MACROD2: variants seen among roughly 807,000 people sequenced by gnomAD.
MACROD2 encodes the protein mono-ADP ribosylhydrolase 2.
MACROD2 carries 36 observed loss-of-function variants against 70.4 expected under a neutral mutation model. That is an observed-to-expected ratio of 0.51 (90% CI 0.39 to 0.68). The LOEUF is 0.68. Among genes scored for constraint, MACROD2 ranks in the 30% least tolerant of loss-of-function variants. The probability of loss-of-function intolerance (pLI) is 0.00; values close to 1 mark genes in which losing one functional copy is unlikely to be tolerated. For synonymous variants in MACROD2, 172 were observed against 178.8 expected, an observed-to-expected ratio of 0.96 and a Z score of 0.30; for missense variants, 496 against 538.4, an observed-to-expected ratio of 0.92 and a Z score of 0.78.
chr20:14,796,551 G>A (rs889384692), intron 5 of MACROD2, among the ~76,000 whole-genome samples: 7 of 152,036 alleles, frequency 4.6e-5, no homozygotes, highest in African/African-American at 9.7e-5. Context: ...CTTCCTTATC[G>A]GAGGGCAAGC....
At chr20:14,777,783 G>A (rs916066000) in intron 5 of MACROD2, among the ~76,000 whole-genome samples, 2 of 152,104 alleles carry the variant, frequency 1.3e-5, no homozygotes, top group African/African-American at 2.4e-5. Context: ...TAAGGAATGT[G>A]TGAGTTTCCA....
chr20:14,200,202 A>G (rs1299888223), intron 3 of MACROD2, among the ~76,000 whole-genome samples: 1 of 152,210 alleles, frequency 6.6e-6, no homozygotes, highest in Non-Finnish European at 1.5e-5. Flanking sequence ...CAGCCATAAT[A>G]AACAACATGA....
chr20:14,135,645 CAGCTTGGGTGACAG>C (rs1315477592), intron 3 of MACROD2, among the ~76,000 whole-genome samples: 1 of 152,116 alleles, frequency 6.6e-6, no homozygotes, highest in Non-Finnish European at 1.5e-5. Context: ...CACTACACTC[CAGCTTGGGTGACAG>C]AGCAAGACTC....
At chr20:15,027,612 T>C (rs1475337550) in intron 5 of MACROD2, among the ~76,000 whole-genome samples, 1 of 151,502 alleles carries the variant, frequency 6.6e-6, no homozygotes, top group East Asian at 1.9e-4. Context: ...CAGTGGCTCA[T>C]GCCTGTAATC....
At chr20:15,982,886 G>A (rs2066421871) in intron 13 of MACROD2, among the ~76,000 whole-genome samples, 1 of 149,162 alleles carries the variant, frequency 6.7e-6, no homozygotes, top group Non-Finnish European at 1.5e-5. Context: ...GTTGCTACCA[G>A]GGCGCTTGGA....
chr20:14,959,072 T>C (rs2074561396), intron 5 of MACROD2, among the ~76,000 whole-genome samples: 2 of 152,200 alleles, frequency 1.3e-5, no homozygotes, highest in Admixed American at 1.3e-4. Flanking sequence ...GTGAAAAGTA[T>C]ATAAGAATTT....
intron 6 of MACROD2, among the ~76,000 whole-genome samples, chr20:15,265,467 C>G (rs911570466): frequency 6.6e-6 from 1 of 152,194 alleles, no homozygotes; most frequent in African/African-American, 2.4e-5. Context: ...ATGAGCTGCC[C>G]TTTCTTGGCA....
At chr20:15,951,338 CACACACACACACAA>C (rs1415476328) in intron 12 of MACROD2, among the ~76,000 whole-genome samples, 2 of 151,030 alleles carry the variant, frequency 1.3e-5, no homozygotes, top group African/African-American at 2.4e-5. Flanking sequence ...CACACACACA[CACACACACACACAA>C]AGAGAGAGAG....
chr20:15,109,738 G>T lies in MACROD2; in HGVS notation c.419-120202G>T, dbSNP rs182312855. On this transcript the variant is annotated intron_variant, in intron 5 of 17. Coordinates refer to ENST00000684519, the MANE Select transcript of MACROD2 (RefSeq NM_001351661.2). ...ACGTGCACAATCACCTGTTGAATGCGCTCAGGAACTTTGCAGTTGACCTAC... is the reference window on the plus strand; with the variant it reads ...ACGTGCACAATCACCTGTTGAATGCTCTCAGGAACTTTGCAGTTGACCTAC... Among the ~76,000 whole-genome samples the T allele has an allele frequency of 6.6e-5, 10 of 152,232 alleles. No individual in the cohort carries two copies. In the East Asian group the frequency reaches 7.7e-4, roughly 12 times the overall value.
chr20:14,756,083 A>T (rs2071936764), intron 5 of MACROD2, among the ~76,000 whole-genome samples: 1 of 152,112 alleles, frequency 6.6e-6, no homozygotes, highest in Non-Finnish European at 1.5e-5. Context: ...ACAAGAAAAT[A>T]AAAAATCTTA....
chr20:15,193,821 A>C (rs2076587558), intron 5 of MACROD2, among the ~76,000 whole-genome samples: 1 of 151,938 alleles, frequency 6.6e-6, no homozygotes, highest in African/African-American at 2.4e-5. Context: ...GAAAATCTCC[A>C]ACCTGGTGTC....
intron 5 of MACROD2, among the ~76,000 whole-genome samples, chr20:15,179,193 G>T (rs2076483200): frequency 6.6e-6 from 1 of 152,126 alleles, no homozygotes; most frequent in South Asian, 2.1e-4. Flanking sequence ...TCTTGCCTAG[G>T]GTGGTGGTTA....
At chr20:15,406,199 G>T (rs562557432) in intron 6 of MACROD2, among the ~76,000 whole-genome samples, 6 of 152,156 alleles carry the variant, frequency 3.9e-5, no homozygotes, top group Non-Finnish European at 8.8e-5. Flanking sequence ...ATTTACATTT[G>T]AATCACCTGC....
chr20:15,873,123 C>A (rs887298659), intron 9 of MACROD2, among the ~76,000 whole-genome samples: 2 of 152,174 alleles, frequency 1.3e-5, no homozygotes, highest in African/African-American at 4.8e-5. Flanking sequence ...AAAGTGGAAT[C>A]ACTTTTTCAA....
chr20:14,127,568 G>A, intron 3 of MACROD2: 1 of 470,826 alleles, frequency 2.1e-6, no homozygotes, highest in South Asian at 3.1e-5. Flanking sequence ...GGGAAGAGAA[G>A]AAACTTTGAG....
intron 4 of MACROD2, among the ~76,000 whole-genome samples, chr20:14,611,298 T>C (rs991025129): frequency 1.1e-4 from 17 of 152,094 alleles, no homozygotes; most frequent in African/African-American, 3.9e-4. Context: ...ATGTGAAACA[T>C]TAGAAGAATA....
intron 4 of MACROD2, among the ~76,000 whole-genome samples, chr20:14,587,564 GATTT>G (rs1981466994): frequency 6.6e-6 from 1 of 151,548 alleles, no homozygotes; most frequent in African/African-American, 2.4e-5. Context: ...AGATTAAGTA[GATTT>G]ATTTTTATTT....
intron 8 of MACROD2, among the ~76,000 whole-genome samples, chr20:15,597,525 G>A (rs983281790): frequency 3.3e-5 from 5 of 152,102 alleles, no homozygotes; most frequent in African/African-American, 9.7e-5. Flanking sequence ...AGGGAGTGCC[G>A]GATTCCTTGG....
chr20:14,671,176 A>C (rs2070790585), intron 4 of MACROD2, among the ~76,000 whole-genome samples: 6 of 152,184 alleles, frequency 3.9e-5, no homozygotes. Flanking sequence ...TCTATGTCAT[A>C]ATGACATTTT....
Sources: allele counts gnomAD v4.1 joint callset (sites outside exome capture counted in the v4.1 genomes callset), GRCh38; gene constraint gnomAD v4.1.1; transcripts MANE v1.5; gene names NCBI Gene and HGNC (gene_info 2026-07-23, HGNC 2026-07-21).